Variants in PVT1 observed in about 807,000 individuals in gnomAD.
PVT1 encodes Pvt1 oncogene.
At chr8:127,804,926 TC>T (rs1674793157) in intron 2 of PVT1, among the ~76,000 whole-genome samples, 1 of 148,520 alleles carries the variant, frequency 6.7e-6, no homozygotes, top group African/African-American at 2.5e-5. Flanking sequence ...TTTGTCCATG[TC>T]TTTTTTTTTT....
At chr8:127,967,971 G>A (rs555129140) in intron 3 of PVT1, among the ~76,000 whole-genome samples, 32 of 152,270 alleles carry the variant, frequency 2.1e-4, no homozygotes, top group African/African-American at 7.2e-4. Flanking sequence ...TGAAGGCTCC[G>A]GAAACGTATG....
chr8:127,813,827 G>T (rs1814627925), intron 2 of PVT1, among the ~76,000 whole-genome samples: 1 of 152,212 alleles, frequency 6.6e-6, no homozygotes, highest in Non-Finnish European at 1.5e-5. Context: ...GGCAGACCCA[G>T]GCTGGAGTGC....
chr8:127,943,424 T>G (rs1374328204), intron 3 of PVT1, among the ~76,000 whole-genome samples: 1 of 152,236 alleles, frequency 6.6e-6, no homozygotes, highest in East Asian at 1.9e-4. Flanking sequence ...CTTTGTATGA[T>G]ATCAAGACCA....
chr8:127,878,389 A>C (rs760228782), intron 2 of PVT1, among the ~76,000 whole-genome samples: 4 of 152,072 alleles, frequency 2.6e-5, no homozygotes, highest in African/African-American at 9.7e-5. Context: ...CCTTCCCCCA[A>C]CTCTGCAAGG....
At chr8:127,978,138 A>G (rs1399250277) in intron 3 of PVT1, among the ~76,000 whole-genome samples, 1 of 142,294 alleles carries the variant, frequency 7.0e-6, no homozygotes, top group Non-Finnish European at 1.5e-5. Flanking sequence ...GTTCTCCATG[A>G]GTAGCTTACT....
At chr8:128,011,146 T>A (rs11994297) in intron 4 of PVT1, among the ~76,000 whole-genome samples, 67,505 of 152,066 alleles carry the variant, frequency 0.44, 16,107 homozygotes, top group Non-Finnish European at 0.54. Context: ...TATATGTGTC[T>A]TGATGGTAGG....
At chr8:127,852,748 C>A (rs1381991811) in intron 2 of PVT1, among the ~76,000 whole-genome samples, 2 of 152,178 alleles carry the variant, frequency 1.3e-5, no homozygotes, top group Non-Finnish European at 2.9e-5. Flanking sequence ...GCCTGCCCAG[C>A]CCTCCTCCCT....
At chr8:127,844,830 C>T (rs1306879994) in intron 2 of PVT1, among the ~76,000 whole-genome samples, 1 of 152,310 alleles carries the variant, frequency 6.6e-6, no homozygotes, top group African/African-American at 2.4e-5. Flanking sequence ...TCTCCTGCCT[C>T]AGCCTCCCGA....
intron 2 of PVT1, among the ~76,000 whole-genome samples, chr8:127,841,248 G>C (rs1446860247): frequency 6.6e-6 from 1 of 152,142 alleles, no homozygotes; most frequent in Non-Finnish European, 1.5e-5. Context: ...AGGGGAGGTA[G>C]GTACTATTAG....
At chr8:128,072,458 A>C (rs1347608001) in intron 5 of PVT1, among the ~76,000 whole-genome samples, 1 of 152,204 alleles carries the variant, frequency 6.6e-6, no homozygotes, top group African/African-American at 2.4e-5. Flanking sequence ...AGGATTTTAA[A>C]AGTGCCTTAT....
intron 3 of PVT1, among the ~76,000 whole-genome samples, chr8:127,949,234 C>G (rs553592956): frequency 1.3e-5 from 2 of 152,104 alleles, no homozygotes; most frequent in Non-Finnish European, 2.9e-5. Context: ...ATCACTATGC[C>G]GTCCCAGCTG....
chr8:127,805,366 TA>T (rs1000174040), intron 2 of PVT1, among the ~76,000 whole-genome samples: 51 of 149,392 alleles, frequency 3.4e-4, no homozygotes, highest in African/African-American at 7.1e-4. Context: ...TTCAGTTAAT[TA>T]AAAAAAAAAC....
At chr8:128,087,714 C>T (rs1586514008) in intron 5 of PVT1, among the ~76,000 whole-genome samples, 2 of 150,820 alleles carry the variant, frequency 1.3e-5, no homozygotes, top group Admixed American at 1.3e-4. Flanking sequence ...ATCATGGAAA[C>T]CCTCTAACTC....
At position 127,898,301 on chromosome 8, in the gene PVT1, T is replaced by G. The variant is rs888205427; in HGVS notation, n.782+7303T>G. 2.0e-5 allele frequency among the ~76,000 whole-genome samples: 3 copies of G among 151,234 alleles called. No individual in the cohort carries two copies. The highest frequency in any genetic ancestry group is 3.0e-5 in the Non-Finnish European group (2 of 67,730). On this transcript the variant is annotated intron_variant and non_coding_transcript_variant, in intron 3 of 10. Coordinates refer to ENST00000651587, the Ensembl canonical transcript of PVT1. The surrounding 1 kb of genome is among the most constrained non-coding windows in gnomAD (Gnocchi z 4.4). Reference sequence around the variant, plus strand: ...AATAAAAGGCTGTAAAGAAATAAAATAATGTAAAGAAAGAAAATAATGTAA... The same window carrying G: ...AATAAAAGGCTGTAAAGAAATAAAAGAATGTAAAGAAAGAAAATAATGTAA...
chr8:127,924,763 G>A (rs1400099092), intron 3 of PVT1, among the ~76,000 whole-genome samples: 1 of 151,910 alleles, frequency 6.6e-6, no homozygotes, highest in African/African-American at 2.4e-5. Flanking sequence ...CGCCCACCTC[G>A]GCCTCCCAAA....
chr8:127,840,356 C>G (rs866839467), intron 2 of PVT1, among the ~76,000 whole-genome samples: 1 of 152,200 alleles, frequency 6.6e-6, no homozygotes, highest in Non-Finnish European at 1.5e-5. Context: ...GTCCAGACTA[C>G]GTGCCTCATG....
chr8:127,964,841 T>C (rs1027869688), intron 3 of PVT1, among the ~76,000 whole-genome samples: 15 of 147,832 alleles, frequency 1.0e-4, no homozygotes, highest in African/African-American at 3.2e-4. Context: ...ATTGATTTAT[T>C]TTAAGAATGG....
At chr8:128,020,203 G>T (rs1563667450) in intron 4 of PVT1, among the ~76,000 whole-genome samples, 1 of 152,162 alleles carries the variant, frequency 6.6e-6, no homozygotes, top group Non-Finnish European at 1.5e-5. Context: ...GCCCTCTAAA[G>T]ATGCCCATGC....
chr8:127,868,500 G>A (rs908062263), intron 2 of PVT1, among the ~76,000 whole-genome samples: 1 of 151,864 alleles, frequency 6.6e-6, no homozygotes, highest in African/African-American at 2.4e-5. Context: ...CAATTTTCGT[G>A]CCTCGGCTTC....
Sources: allele counts gnomAD v4.1 joint callset (sites outside exome capture counted in the v4.1 genomes callset), GRCh38; gene constraint gnomAD v4.1.1; non-coding constraint Gnocchi (gnomAD v3.1); transcripts MANE v1.5; gene names NCBI Gene and HGNC (gene_info 2026-07-23, HGNC 2026-07-21).